The following SLCO6A1 variants were observed in gnomAD, a reference collection of about 807,000 sequenced individuals.
SLCO6A1 encodes solute carrier organic anion transporter family member 6A1.
Under a neutral mutation model 72.7 loss-of-function variants are expected in SLCO6A1, and 65 were observed. The ratio of observed to expected loss-of-function variants is 0.89; its 90% CI spans 0.73 to 1.10. SLCO6A1 has a LOEUF of 1.10. Among genes scored for constraint, SLCO6A1 ranks in the 50% least tolerant of loss-of-function variants. SLCO6A1 has a pLI of 0.00. For missense variants in SLCO6A1, 874 were observed against 872.6 expected, an observed-to-expected ratio of 1.00 and a Z score of -0.02; for synonymous variants, 314 against 298.2, an observed-to-expected ratio of 1.05 and a Z score of -0.55.
At chr5:102,444,342 C>T (rs1749997025) in intron 6 of SLCO6A1, among the ~76,000 whole-genome samples, 1 of 152,088 alleles carries the variant, frequency 6.6e-6, no homozygotes, top group Non-Finnish European at 1.5e-5. Flanking sequence ...TTACTCCCTA[C>T]CCTAATCAAG....
intron 6 of SLCO6A1, among the ~76,000 whole-genome samples, chr5:102,442,018 G>A (rs1242020400): frequency 6.6e-6 from 1 of 151,910 alleles, no homozygotes; most frequent in African/African-American, 2.4e-5. Context: ...ATTGAGAACT[G>A]AATATTAAGC....
At chr5:102,483,474 A>G (rs1429615436) in intron 1 of SLCO6A1, among the ~76,000 whole-genome samples, 3 of 152,128 alleles carry the variant, frequency 2.0e-5, no homozygotes, top group South Asian at 2.1e-4. Context: ...CTTTTCCTTC[A>G]TTTTGGAAGA....
At chr5:102,452,297 C>T (rs1249698518) in intron 6 of SLCO6A1, among the ~76,000 whole-genome samples, 1 of 152,122 alleles carries the variant, frequency 6.6e-6, no homozygotes, top group East Asian at 1.9e-4. Context: ...TACCAAATTC[C>T]ATCCAGGATT....
chr5:102,440,308 C>T (rs576876995), intron 6 of SLCO6A1, among the ~76,000 whole-genome samples: 2 of 152,176 alleles, frequency 1.3e-5, no homozygotes, highest in African/African-American at 2.4e-5. Flanking sequence ...GTGGCAGGCG[C>T]GCTCTGCATC....
At chr5:102,451,569 A>G (rs1174483874) in intron 6 of SLCO6A1, among the ~76,000 whole-genome samples, 2 of 151,514 alleles carry the variant, frequency 1.3e-5, no homozygotes, top group Non-Finnish European at 2.9e-5. Flanking sequence ...GAGGCCCTGG[A>G]TGGAGTGGGT....
At chr5:102,451,534 C>CATGT (rs1313501604) in intron 6 of SLCO6A1, among the ~76,000 whole-genome samples, 1 of 152,148 alleles carries the variant, frequency 6.6e-6, no homozygotes, top group Admixed American at 6.5e-5. Flanking sequence ...TGCACAGGCT[C>CATGT]CATGCAGCTC....
chr5:102,492,238 T>C (rs1287413598), intron 1 of SLCO6A1, among the ~76,000 whole-genome samples: 1 of 151,954 alleles, frequency 6.6e-6, no homozygotes. Flanking sequence ...TTGGAAAGAA[T>C]GGACAATATG....
intron 12 of SLCO6A1, among the ~76,000 whole-genome samples, chr5:102,381,282 T>C (rs1746091132): frequency 6.6e-6 from 1 of 151,766 alleles, no homozygotes. Flanking sequence ...TCTGCTTCTG[T>C]TTGATTTTTT....
chr5:102,488,517 A>G (rs1752537481), intron 1 of SLCO6A1, among the ~76,000 whole-genome samples: 1 of 152,204 alleles, frequency 6.6e-6, no homozygotes, highest in South Asian at 2.1e-4. Flanking sequence ...AAATAATTCA[A>G]TTCTCTCATT....
intron 1 of SLCO6A1, among the ~76,000 whole-genome samples, chr5:102,494,425 T>C (rs1427573541): frequency 6.6e-6 from 1 of 152,122 alleles, no homozygotes; most frequent in East Asian, 1.9e-4. Context: ...CATTAATAAA[T>C]TATACTTCAT....
Position 102,433,228 on chromosome 5 carries a change from T to C in SLCO6A1, c.1276+5389A>G, listed in dbSNP as rs1580418150. Among the ~76,000 whole-genome samples, 3 of 152,308 alleles carry C rather than the reference T, an allele frequency of 2.0e-5. No homozygotes were observed. In the South Asian group the frequency reaches 6.2e-4, roughly 32 times the overall value. Reference sequence around the variant, plus strand: ...GTTTCAACGTTCCCCTGAATCTTGATTTTTGTTCCTATCCATATTCTGAAT... The same window carrying C: ...GTTTCAACGTTCCCCTGAATCTTGACTTTTGTTCCTATCCATATTCTGAAT... On this transcript the variant is annotated intron_variant, in intron 7 of 13. Coordinates refer to ENST00000506729, the MANE Select transcript of SLCO6A1 (RefSeq NM_173488.5).
rs1342575479 is a variant in SLCO6A1, at chr5:102,475,759, A to G, written c.837T>C (p.Ala279=). The change falls in exon 4 of 14, where the codon GCT becomes GCC. Residue 279 remains alanine (A), a synonymous_variant. Coordinates refer to ENST00000506729, the MANE Select transcript of SLCO6A1 (RefSeq NM_173488.5). ...GTGGTGCTCCTAGCACATAACCCAG[A>G]GCATATCCAATCATTGATGTACATT... ...IAECTSMIGY[A]LGYVLGAPLV... The G allele has an allele frequency of 6.2e-7, 1 of 1,609,154 alleles. No individual in the cohort carries two copies.
At chr5:102,484,553 G>A (rs979969191) in intron 1 of SLCO6A1, among the ~76,000 whole-genome samples, 4 of 151,998 alleles carry the variant, frequency 2.6e-5, no homozygotes, top group Non-Finnish European at 5.9e-5. Context: ...GGGAGGCTGA[G>A]GCATAAGAAT....
At chr5:102,406,050 T>C (rs559808709) in intron 9 of SLCO6A1, among the ~76,000 whole-genome samples, 2 of 151,978 alleles carry the variant, frequency 1.3e-5, no homozygotes, top group African/African-American at 2.4e-5. Context: ...TAAAACAAAA[T>C]GTCAAGGTAT....
In SLCO6A1 at chr5:102,388,260, C is replaced by G. The variant is rs945071056; in HGVS notation, c.2017+428G>C. 2.6e-5 allele frequency among the ~76,000 whole-genome samples: 4 copies of G among 152,148 alleles called. No individual in the cohort carries two copies. In the East Asian group the frequency reaches 7.7e-4, roughly 29 times the overall value. ...TGGGAACTATTACATATTTAACTCA[C>G]TGACTCAAATACATAAATTCTATGG... On this transcript the variant is annotated intron_variant, in intron 12 of 13. Coordinates refer to ENST00000506729, the MANE Select transcript of SLCO6A1 (RefSeq NM_173488.5).
chr5:102,405,109 A>G (rs1349722126), intron 9 of SLCO6A1, among the ~76,000 whole-genome samples: 1 of 152,108 alleles, frequency 6.6e-6, no homozygotes, highest in Non-Finnish European at 1.5e-5. Context: ...CTTTTCTGAC[A>G]TAATTTAAGT....
rs572006523 is a variant in SLCO6A1, at chr5:102,399,871, A to G, written c.1627-129T>C. On this transcript the variant is annotated intron_variant, in intron 9 of 13. Coordinates refer to ENST00000506729, the MANE Select transcript of SLCO6A1 (RefSeq NM_173488.5). ...TAGTTTTATTTCAAAATGTCTTTAT[A>G]TTAAGCCTGCTATGTATTATTTAGA... The G allele has an allele frequency of 2.3e-4, 132 of 584,826 alleles. No individual in the cohort carries two copies. In the South Asian group the frequency reaches 2.8e-3, roughly 12 times the overall value. The allele number at this position is 584,826 out of a possible 1,614,324, so 36.2% of individuals were successfully genotyped here. A position where few individuals can be genotyped will look rare whatever the true frequency, so the allele number is the denominator to read the frequency against.
At chr5:102,449,601 T>C (rs1750303791) in intron 6 of SLCO6A1, among the ~76,000 whole-genome samples, 1 of 152,126 alleles carries the variant, frequency 6.6e-6, no homozygotes, top group Admixed American at 6.6e-5. Flanking sequence ...TTACCCAGGA[T>C]GGTCTTGATC....
intron 12 of SLCO6A1, among the ~76,000 whole-genome samples, chr5:102,374,266 A>G (rs1350861443): frequency 6.6e-6 from 1 of 152,128 alleles, no homozygotes; most frequent in East Asian, 1.9e-4. Flanking sequence ...TTCAAATCCC[A>G]AAGTACTGGG....
Sources: allele counts gnomAD v4.1 joint callset (sites outside exome capture counted in the v4.1 genomes callset), GRCh38; gene constraint gnomAD v4.1.1; transcripts MANE v1.5; gene names NCBI Gene and HGNC (gene_info 2026-07-23, HGNC 2026-07-21).